The following WWP2 variants were observed in gnomAD, a reference collection of about 807,000 sequenced individuals.
WWP2 encodes WW domain containing E3 ubiquitin protein ligase 2.
In WWP2, 57 loss-of-function variants were observed where a neutral mutation model predicts 121.0. That is an observed-to-expected ratio of 0.47 (90% CI 0.38 to 0.59). The LOEUF is 0.59. Ranked by LOEUF, WWP2 falls within the 20% of genes least tolerant of loss-of-function variation. The probability of loss-of-function intolerance (pLI) is 0.00; values close to 1 mark genes in which losing one functional copy is unlikely to be tolerated. For missense variants in WWP2, 962 were observed against 1,158.9 expected, an observed-to-expected ratio of 0.83 and a Z score of 2.47; for synonymous variants, 449 against 441.3, an observed-to-expected ratio of 1.02 and a Z score of -0.22.
chr16:69,833,547 T>G (rs1229232699), intron 4 of WWP2, among the ~76,000 whole-genome samples: 1 of 152,216 alleles, frequency 6.6e-6, no homozygotes, highest in Non-Finnish European at 1.5e-5. Flanking sequence ...TTCCCTAGAT[T>G]CTCATATTCA....
At chr16:69,767,478 A>G (rs1200509512) in intron 1 of WWP2, among the ~76,000 whole-genome samples, 1 of 152,250 alleles carries the variant, frequency 6.6e-6, no homozygotes, top group Non-Finnish European at 1.5e-5. Context: ...GAATCAAATC[A>G]GTGAGTTGCT....
Position 69,925,399 on chromosome 16 carries a change from C to T in WWP2, c.1180-31C>T. 6.2e-7 allele frequency: 1 copy of T among 1,606,924 alleles called. No individual in the cohort carries two copies. Among genetic ancestry groups the T allele is most frequent in the Non-Finnish European group, 8.5e-7 (1 of 1,177,720 alleles). On this transcript the variant is annotated intron_variant, in intron 10 of 23. Transcript: ENST00000359154. This position sits in a 1 kb window ranked among gnomAD's most constrained non-coding sequence, Gnocchi z 4.0. ...TTTTTCACCAGTGGCTTTTTGTAACCTCTGTGTTCTGCTGTGTTTCTTGTG... is the reference window on the plus strand; with the variant it reads ...TTTTTCACCAGTGGCTTTTTGTAACTTCTGTGTTCTGCTGTGTTTCTTGTG...
At chr16:69,824,514 C>T (rs2056649813) in intron 4 of WWP2, among the ~76,000 whole-genome samples, 1 of 142,636 alleles carries the variant, frequency 7.0e-6, no homozygotes, top group South Asian at 2.5e-4. Flanking sequence ...CTCCCTTCCC[C>T]CCTCCCCCTC....
At chr16:69,805,787 T>C (rs958813880) in intron 4 of WWP2, among the ~76,000 whole-genome samples, 2 of 151,502 alleles carry the variant, frequency 1.3e-5, no homozygotes, top group African/African-American at 4.8e-5. Flanking sequence ...TTCTTTTTTT[T>C]TTTTTTTAGA....
chr16:69,890,431 A>G (rs2058005374), intron 8 of WWP2, among the ~76,000 whole-genome samples: 1 of 152,052 alleles, frequency 6.6e-6, no homozygotes, highest in Admixed American at 6.5e-5. Flanking sequence ...TCACTAATCA[A>G]TTGCTTTGTG....
At chr16:69,776,582 C>T (rs2055532628) in intron 1 of WWP2, among the ~76,000 whole-genome samples, 1 of 152,194 alleles carries the variant, frequency 6.6e-6, no homozygotes, top group Non-Finnish European at 1.5e-5. Flanking sequence ...GTAATCCCAG[C>T]ACTTTGGGAG....
At chr16:69,763,593 A>C (rs2038664396) in intron 1 of WWP2, among the ~76,000 whole-genome samples, 1 of 152,232 alleles carries the variant, frequency 6.6e-6, no homozygotes, top group South Asian at 2.1e-4. Flanking sequence ...TTTTTGCAGC[A>C]GCGCCTATGA....
intron 1 of WWP2, among the ~76,000 whole-genome samples, chr16:69,777,465 T>C (rs2151777917): frequency 6.6e-6 from 1 of 151,928 alleles, no homozygotes; most frequent in South Asian, 2.1e-4. Context: ...CACGACCAGA[T>C]AATTTTTGTG....
intron 4 of WWP2, chr16:69,838,999 G>C (rs1201367813): frequency 6.2e-6 from 2 of 322,562 alleles, no homozygotes; most frequent in Non-Finnish European, 8.7e-6. Context: ...CTTTTTTGGG[G>C]GGGTGGGGGA....
intron 6 of WWP2, among the ~76,000 whole-genome samples, chr16:69,845,450 G>A (rs2151879656): frequency 1.3e-5 from 2 of 152,260 alleles, no homozygotes; most frequent in East Asian, 3.9e-4. Flanking sequence ...GCTTCTGCCT[G>A]CTGTCTCCCA....
chr16:69,936,464 G>T lies in WWP2; in HGVS notation c.2117+12G>T. 1 of 1,613,836 alleles carries T rather than the reference G, an allele frequency of 6.2e-7. No individual in the cohort carries two copies. Among genetic ancestry groups the T allele is most frequent in the Admixed American group, 1.7e-5 (1 of 60,010 alleles). ...GAAGAGTACATCATGTGAGTCTCAG[G>T]CGCCGGGGGCTCCGCTCCAGGGGTG... On this transcript the variant is annotated intron_variant, in intron 19 of 23. Transcript: ENST00000359154.
At chr16:69,846,070 A>AAAAAAAAAAAAAAAAG (rs58504050) in intron 6 of WWP2, among the ~76,000 whole-genome samples, 1 of 149,652 alleles carries the variant, frequency 6.7e-6, no homozygotes, top group African/African-American at 2.5e-5. Context: ...AAAAAAAAAA[A>AAAAAAAAAAAAAAAAG]GAATACTTAT....
At chr16:69,910,341 T>C (rs1468572258) in intron 9 of WWP2, 20 of 979,880 alleles carry the variant, frequency 2.0e-5, no homozygotes, top group South Asian at 4.7e-5. Flanking sequence ...TTTAACAGTA[T>C]GTATTACACA....
intron 4 of WWP2, among the ~76,000 whole-genome samples, chr16:69,812,604 A>T (rs1158808216): frequency 6.6e-6 from 1 of 150,422 alleles, no homozygotes; most frequent in South Asian, 2.1e-4. Context: ...TCAGCCTCTT[A>T]GTTGAGACCA....
chr16:69,882,118 C>T (rs2057841677), intron 7 of WWP2, among the ~76,000 whole-genome samples: 1 of 151,854 alleles, frequency 6.6e-6, no homozygotes, highest in African/African-American at 2.4e-5. Flanking sequence ...CCGCGCCCAG[C>T]CTAAGTTTTG....
Position 69,925,726 on chromosome 16 carries a change from A to G in WWP2, c.1234+242A>G, listed in dbSNP as rs1462540864. On this transcript the variant is annotated intron_variant, in intron 11 of 23. Coordinates refer to ENST00000359154, the MANE Select transcript of WWP2 (RefSeq NM_001270454.2). This position sits in a 1 kb window ranked among gnomAD's most constrained non-coding sequence, Gnocchi z 4.0. ...CACCCACCATCGCTAAAGGAGTGTG[A>G]CCCTAAGAAAAGATGTCCCTGAGCA... Among the ~76,000 whole-genome samples, 1 of 152,104 alleles carries G rather than the reference A, an allele frequency of 6.6e-6. No individual in the cohort carries two copies. Among genetic ancestry groups the G allele is most frequent in the Non-Finnish European group, 1.5e-5 (1 of 68,012 alleles).
chr16:69,830,407 T>C (rs2056773858), intron 4 of WWP2, among the ~76,000 whole-genome samples: 1 of 152,178 alleles, frequency 6.6e-6, no homozygotes, highest in Admixed American at 6.5e-5. Flanking sequence ...GTTTCCTGAA[T>C]GAATGAACAA....
At chr16:69,808,558 T>C (rs1221192309) in intron 4 of WWP2, among the ~76,000 whole-genome samples, 1 of 152,200 alleles carries the variant, frequency 6.6e-6, no homozygotes, top group Non-Finnish European at 1.5e-5. Context: ...CCTGCCACCA[T>C]GCGTGGCTAA....
intron 2 of WWP2, among the ~76,000 whole-genome samples, chr16:69,795,895 G>A (rs1001980980): frequency 6.6e-6 from 1 of 151,692 alleles, no homozygotes; most frequent in African/African-American, 2.4e-5. Context: ...TGATCTGCCT[G>A]CCTCGGCCTC....
Sources: gnomAD v4.1 joint callset for allele counts (sites outside exome capture counted in the v4.1 genomes callset) on GRCh38, gnomAD v4.1.1 for gene constraint, Gnocchi (gnomAD v3.1) non-coding constraint, MANE v1.5 for transcripts, NCBI Gene and HGNC (gene_info 2026-07-23, HGNC 2026-07-21) for gene names.